TMEM178B: variants seen among roughly 807,000 people sequenced by gnomAD.
TMEM178B encodes transmembrane protein 178B.
In TMEM178B, 5 loss-of-function variants were observed where a neutral mutation model predicts 31.0. That is an observed-to-expected ratio of 0.16 (90% CI 0.08 to 0.34). The LOEUF is 0.34. TMEM178B is among the 10% of genes least tolerant of loss of function. The probability of loss-of-function intolerance (pLI) is 1.00; values close to 1 mark genes in which losing one functional copy is unlikely to be tolerated. For missense variants in TMEM178B, 275 were observed against 400.3 expected (o/e 0.69, Z 2.67); for synonymous variants, 164 against 164.0 (o/e 1.00, Z 0.00).
chr7:141,509,475 C>A, the TMEM178B span, among the ~76,000 whole-genome samples: 1 of 152,228 alleles, frequency 6.6e-6, no homozygotes, highest in East Asian at 1.9e-4. Context: ...CATGGCAAAA[C>A]CCCGTCTCTA....
At chr7:141,196,187 A>G (rs1796780604) in intron 1 of TMEM178B, among the ~76,000 whole-genome samples, 1 of 151,654 alleles carries the variant, frequency 6.6e-6, no homozygotes, top group African/African-American at 2.4e-5. Context: ...TATTTTAATG[A>G]CTCTATAATA....
intron 2 of TMEM178B, among the ~76,000 whole-genome samples, chr7:141,274,983 G>A (rs1418628270): frequency 2.6e-5 from 4 of 152,194 alleles, no homozygotes; most frequent in Non-Finnish European, 5.9e-5. Context: ...GAAGATTTAA[G>A]TTTTATCTCT....
chr7:141,254,423 C>T (rs1446501829), intron 2 of TMEM178B, among the ~76,000 whole-genome samples: 5 of 152,182 alleles, frequency 3.3e-5, no homozygotes, highest in African/African-American at 7.2e-5. Flanking sequence ...AAATTAAAAG[C>T]TTGTTTACTG....
rs1178590066 is a variant in TMEM178B at position 141,074,526 on chromosome 7, G to A, written c.216G>A (p.Leu72=). 3.9e-6 allele frequency: 6 copies of A among 1,536,026 alleles called. No individual in the cohort carries two copies. Among genetic ancestry groups the A allele is most frequent in the Non-Finnish European group, 4.4e-6 (5 of 1,146,814 alleles). The stretch of plus-strand genomic sequence containing the variant: ...CGCTCCGGGCGAGCCGCTCGCGCCT[G>A]GACCGCTGGGAGGGCAAACTCCTCC... ...NLPLRASRSR[L]DRWEGKLLRA... is the part of the protein sequence containing the mutation. Residue 72 remains leucine (L), a synonymous_variant, in exon 1 of 4, where the codon CTG becomes CTA. Transcript: ENST00000565468. The surrounding 1 kb of genome is among the most constrained non-coding windows in gnomAD (Gnocchi z 5.1).
intron 2 of TMEM178B, among the ~76,000 whole-genome samples, chr7:141,335,869 C>T (rs1053552177): frequency 5.9e-5 from 9 of 152,074 alleles, no homozygotes; most frequent in African/African-American, 1.9e-4. Flanking sequence ...GAGAAACTTG[C>T]TAATTTTTCC....
intron 1 of TMEM178B, among the ~76,000 whole-genome samples, chr7:141,196,134 TAC>T (rs141258201): frequency 5.9e-4 from 89 of 151,966 alleles, no homozygotes; most frequent in African/African-American, 2.0e-3. Context: ...TCTGTCACTA[TAC>T]ACACACACAC....
chr7:141,224,802 C>T (rs933630555), intron 2 of TMEM178B, among the ~76,000 whole-genome samples: 1 of 152,180 alleles, frequency 6.6e-6, no homozygotes, highest in African/African-American at 2.4e-5. Flanking sequence ...CGATGACACC[C>T]CTTGGAGAGC....
chr7:141,272,917 C>T (rs1379637237), intron 2 of TMEM178B, among the ~76,000 whole-genome samples: 1 of 152,196 alleles, frequency 6.6e-6, no homozygotes, highest in Non-Finnish European at 1.5e-5. Context: ...GATATCCACA[C>T]TTCCATTTTT....
At chr7:141,402,335 C>T (rs897690463) in intron 2 of TMEM178B, among the ~76,000 whole-genome samples, 24 of 152,230 alleles carry the variant, frequency 1.6e-4, no homozygotes, top group Admixed American at 8.5e-4. Flanking sequence ...TATTGGCCAG[C>T]GTGGGTGTAG....
intron 2 of TMEM178B, among the ~76,000 whole-genome samples, chr7:141,229,100 G>T (rs1370866194): frequency 7.4e-6 from 1 of 134,782 alleles, no homozygotes; most frequent in African/African-American, 2.8e-5. Context: ...GTGTGTGTGT[G>T]GTGTGTGTGT....
chr7:141,308,784 G>A (rs904058151), intron 2 of TMEM178B, among the ~76,000 whole-genome samples: 7 of 152,172 alleles, frequency 4.6e-5, no homozygotes, highest in African/African-American at 1.4e-4. Context: ...CAACCTGCCC[G>A]ACGCTGGGCC....
chr7:141,270,229 G>A (rs1370310945), intron 2 of TMEM178B, among the ~76,000 whole-genome samples: 2 of 152,172 alleles, frequency 1.3e-5, no homozygotes, highest in Non-Finnish European at 2.9e-5. Context: ...GCTCTGGGGA[G>A]CACCTGGTTC....
chr7:141,174,543 T>G (rs1478578432), intron 1 of TMEM178B, among the ~76,000 whole-genome samples: 1 of 152,234 alleles, frequency 6.6e-6, no homozygotes, highest in Non-Finnish European at 1.5e-5. Flanking sequence ...CCACACTGTT[T>G]TCCACAATGG....
chr7:141,373,907 C>T (rs914619914), intron 2 of TMEM178B, among the ~76,000 whole-genome samples: 4 of 152,192 alleles, frequency 2.6e-5, no homozygotes, highest in African/African-American at 7.2e-5. Context: ...CACAACTATG[C>T]CCCCAAATTC....
intron 1 of TMEM178B, among the ~76,000 whole-genome samples, chr7:141,096,854 G>A (rs995555558): frequency 6.6e-6 from 1 of 152,148 alleles, no homozygotes; most frequent in East Asian, 1.9e-4. Context: ...AGCACTTGGG[G>A]AAGCAGAAGG....
chr7:141,332,612 T>C (rs1237315906), intron 2 of TMEM178B, among the ~76,000 whole-genome samples: 2 of 152,276 alleles, frequency 1.3e-5, no homozygotes, highest in Non-Finnish European at 1.5e-5. Context: ...GATATTGTTT[T>C]CACATTATAC....
At chr7:141,237,267 T>G (rs1797541677) in intron 2 of TMEM178B, among the ~76,000 whole-genome samples, 1 of 152,226 alleles carries the variant, frequency 6.6e-6, no homozygotes, top group Admixed American at 6.5e-5. Flanking sequence ...GTCTTTCTCC[T>G]AAGGGAACAA....
At chr7:141,502,174 G>A in the TMEM178B span, among the ~76,000 whole-genome samples, 2 of 129,776 alleles carry the variant, frequency 1.5e-5, no homozygotes, top group Admixed American at 7.0e-5. Flanking sequence ...AAGCATGCTC[G>A]AATATCTCCC....
Position 141,154,092 on chromosome 7 carries a change from A to G in TMEM178B, c.383-58499A>G, listed in dbSNP as rs1046841938. 3.3e-5 allele frequency among the ~76,000 whole-genome samples: 5 copies of G among 152,134 alleles called. No homozygotes were observed. In the East Asian group the frequency reaches 5.8e-4, roughly 18 times the overall value. On this transcript the variant is annotated intron_variant, in intron 1 of 3. Transcript: ENST00000565468. ...CAAGGTGGGCAACTTTCCCATTTCT[A>G]TTTACTTTTGCTAACCATCTGAGAT...
Sources: allele counts gnomAD v4.1 joint callset (sites outside exome capture counted in the v4.1 genomes callset), GRCh38; gene constraint gnomAD v4.1.1; non-coding constraint Gnocchi (gnomAD v3.1); transcripts MANE v1.5; gene names NCBI Gene and HGNC (gene_info 2026-07-23, HGNC 2026-07-21).